The following RTEL1 variants were observed in gnomAD, a reference collection of about 807,000 sequenced individuals.
The protein encoded by RTEL1 is regulator of telomere elongation helicase 1, also known as regulator of telomere length.
Under a neutral mutation model 162.2 loss-of-function variants are expected in RTEL1, and 86 were observed. That is an observed-to-expected ratio of 0.53 (90% confidence interval 0.45 to 0.63). The LOEUF (loss-of-function observed/expected upper bound fraction) is 0.63. Among genes scored for constraint, RTEL1 ranks in the 30% least tolerant of loss-of-function variants. The pLI is 0.00. For missense variants in RTEL1, 1,941 were observed against 1,750.2 expected (o/e 1.11, Z -1.95); for synonymous variants, 958 against 717.9 (o/e 1.33, Z -5.35).
intron 30 of RTEL1, among the ~76,000 whole-genome samples, 191 bp downstream of exon 30, chr20:63,693,474 TCCACCTCCA>T (rs1568720101): frequency 0.029 from 246 of 8,536 alleles, 32 homozygotes; most frequent in South Asian, 0.06. Flanking sequence ...CACCTCCACC[TCCACCTCCA>T]CCACCACCTC....
chr20:63,666,092 A>G lies in RTEL1; in HGVS notation c.614+13A>G, dbSNP rs761636021. 4 of 1,611,460 alleles carry G rather than the reference A, an allele frequency of 2.5e-6. No individual in the cohort carries two copies. The highest frequency in any genetic ancestry group is 3.4e-6 in the Non-Finnish European group (4 of 1,177,680). ...GAAGCAAGCACAGGTGAGACCCCTC[A>G]GTGAGGCCACGACCACTGTCCTTCC... is the stretch of plus-strand genomic sequence containing the variant. On this transcript the variant is annotated intron_variant, in intron 7 of 34. Transcript: ENST00000360203.
Position 63,685,446 on chromosome 20 carries a change from C to T in RTEL1, c.1192-77C>T, listed in dbSNP as rs577886989. On this transcript the variant is annotated intron_variant, in intron 14 of 34. Coordinates refer to ENST00000360203, the MANE Select transcript of RTEL1 (RefSeq NM_001283009.2). ...TGACCCCTGGGTGTCCTGTGACCTT[C>T]TGTGTATGCGGCTGATGCTGCAGAA... 8.3e-6 allele frequency: 12 copies of T among 1,453,596 alleles called. No individual in the cohort carries two copies. The East Asian group carries it at 2.3e-4, about 28-fold the overall frequency. 90.0% of individuals were successfully genotyped at this position (1,453,596 alleles called of 1,614,324 possible).
chr20:63,691,149 C>G (rs1050837837), intron 27 of RTEL1, among the ~76,000 whole-genome samples: 1 of 152,096 alleles, frequency 6.6e-6, no homozygotes, highest in Non-Finnish European at 1.5e-5. Context: ...GCTGCTGGCT[C>G]CCAGGTGGTG....
rs781051899 is a variant in RTEL1 at position 63,662,882 on chromosome 20, C to T, written c.531C>T (p.Asn177=). The T allele has an allele frequency of 6.1e-5, 99 of 1,613,742 alleles. No homozygotes were observed. The highest frequency in any genetic ancestry group is 8.1e-5 in the Non-Finnish European group (95 of 1,179,880). ...GTCGCTCCTGTCATTTCTACAACAA[C>T]GTAGAAGGTACAAGCAGCTGGGTGG... is the stretch of plus-strand genomic sequence containing the variant. ...VASRSCHFYN[N]VEEKSLEQEL... Residue 177 remains asparagine (N), a synonymous_variant, in exon 6 of 35, where the codon AAC becomes AAT. Transcript: ENST00000360203.
At chr20:63,685,628 G>A (rs1363849855) in intron 15 of RTEL1, 31 bp downstream of exon 15, 2 of 1,600,820 alleles carry the variant, frequency 1.2e-6, no homozygotes, top group East Asian at 4.5e-5. Flanking sequence ...GCAGGTGGAG[G>A]GCAGCCCTTG....
Position 63,691,850 on chromosome 20 carries a change from TC to T in RTEL1, c.2652+16del. 1 of 1,602,056 alleles carries T rather than the reference TC, an allele frequency of 6.2e-7. No individual in the cohort carries two copies. The highest frequency in any genetic ancestry group is 8.5e-7 in the Non-Finnish European group (1 of 1,174,650). On this transcript the variant is annotated intron_variant, in intron 28 of 34. Transcript: ENST00000360203. The stretch of plus-strand genomic sequence containing the variant: ...GGTCAGCCACCCGGTGCGTGAGCTG[TC>T]CCTGCACCTGTGCCGACCACCATAG...
rs770759263 is a variant in RTEL1, at chr20:63,680,676, TCAC to T, written c.1151_1153del (p.Thr384del). The T allele has an allele frequency of 3.1e-6, 5 of 1,613,252 alleles. No individual in the cohort carries two copies. The South Asian group carries it at 5.5e-5, about 18-fold the overall frequency. On this transcript the variant is annotated inframe_deletion, in exon 14 of 35. Transcript: ENST00000360203. ...TGCTGCCCTCCAGGTGCTGGAGTGT[TCAC>T]CAACACGGCCGGACTGCAGAAGCTG...
intron 17 of RTEL1, 22 bp from the exon 18 acceptor site, chr20:63,687,915 T>G (rs1388045006): frequency 6.2e-6 from 10 of 1,610,538 alleles, no homozygotes; most frequent in Non-Finnish European, 8.5e-6. Flanking sequence ...CCCCACTGTC[T>G]GCTCCCTCTG....
In RTEL1 at chr20:63,679,831, C is replaced by T. The variant is rs1555903293; in HGVS notation, c.1038-18C>T. 22 of 1,603,232 alleles carry T rather than the reference C, an allele frequency of 1.4e-5. No individual in the cohort carries two copies. In the South Asian group the frequency reaches 2.1e-4, roughly 15 times the overall value. ...GGTCCCCCCGCCAGGCTCGAGCCTG[C>T]CTTCTTCTCCTCGGCAGCTACATCT... is the stretch of plus-strand genomic sequence containing the variant. On this transcript the variant is annotated intron_variant, in intron 12 of 34. Transcript: ENST00000360203.
chr20:63,694,502 G>C lies in RTEL1; in HGVS notation c.3109+14G>C, dbSNP rs753155882. On this transcript the variant is annotated intron_variant, in intron 31 of 34. Coordinates refer to ENST00000360203, the MANE Select transcript of RTEL1 (RefSeq NM_001283009.2). The stretch of plus-strand genomic sequence containing the variant: ...CACCCCCAACAGGTAGCTGACTCCT[G>C]AACCGTGTGCAGCCTACGACTTGGT... 2 of 1,574,228 alleles carry C rather than the reference G, an allele frequency of 1.3e-6. No homozygotes were observed. Among genetic ancestry groups the C allele is most frequent in the Non-Finnish European group, 1.7e-6 (2 of 1,148,662 alleles).
At chr20:63,694,695 G>A in intron 31 of RTEL1, 46 bp from the exon 32 acceptor site, 1 of 1,493,396 alleles carries the variant, frequency 6.7e-7, no homozygotes, top group Non-Finnish European at 9.1e-7. Flanking sequence ...GGGACTCTCA[G>A]TCCTCCACCC....
chr20:63,690,503 G>GGGGGGGGC, intron 26 of RTEL1, 62 bp downstream of exon 26: 17 of 1,028,386 alleles, frequency 1.7e-5, no homozygotes, highest in Non-Finnish European at 2.4e-5. Context: ...CGTGGGGCGG[G>GGGGGGGGC]CAGCACCAGG....
chr20:63,681,318 C>A, intron 14 of RTEL1: 1 of 985,376 alleles, frequency 1.0e-6, no homozygotes, highest in Non-Finnish European at 1.2e-6. Context: ...GGGCACGCCC[C>A]ATTTTGGGTG....
At position 63,695,531 on chromosome 20, in the gene RTEL1, G is replaced by T; in HGVS notation, c.3703G>T (p.Gly1235Cys). ...TGGGCAGCAGGCCACGGGAGCTCCG[G>T]GCGGGCCCCTCTCAGCAGGCTGTGT... is the stretch of plus-strand genomic sequence containing the variant. ...IAGQQATGAP[G>C]GPLSAGCVCQ... The change falls in exon 34 of 35, where the codon GGC becomes TGC. Residue 1235 changes from glycine (G) to cysteine (C), a missense_variant. Physicochemically the swap from Gly to Cys is radical, Grantham distance 159. Transcript: ENST00000360203. 1 of 1,612,320 alleles carries T rather than the reference G, an allele frequency of 6.2e-7. No individual in the cohort carries two copies. The highest frequency in any genetic ancestry group is 8.5e-7 in the Non-Finnish European group (1 of 1,179,838).
rs1168361620 is a variant in RTEL1 at position 63,678,275 on chromosome 20, G to C, written c.966G>C (p.Leu322=). Residue 322 remains leucine (L), a synonymous_variant, in exon 12 of 35, where the codon CTG becomes CTC. Transcript: ENST00000360203. ...LEDIAKLKMI[L]LRLEGAIDAV... ...CACCTCCTCGACCCACAGTGATCCT[G>C]CTGCGCCTGGAGGGGGCCATCGATG... The C allele has an allele frequency of 1.9e-6, 3 of 1,612,494 alleles. No homozygotes were observed. The highest frequency in any genetic ancestry group is 2.5e-6 in the Non-Finnish European group (3 of 1,179,072).
intron 8 of RTEL1, among the ~76,000 whole-genome samples, chr20:63,669,656 G>T (rs3848670): frequency 6.9e-6 from 1 of 144,740 alleles, no homozygotes; most frequent in South Asian, 2.2e-4. Flanking sequence ...CAAGATGGGT[G>T]GAATGGCCAG....
At position 63,678,188 on chromosome 20, in the gene RTEL1, G is replaced by GT; in HGVS notation, c.958+6dup. ...AAGACATTGCAAAGCTGAAGAGTAA[G>GT]TGTTGCCCTCCCCGCCTCCTTGCAG... On this transcript the variant is annotated splice_donor_region_variant and intron_variant, in intron 11 of 34. Transcript: ENST00000360203. 6.2e-7 allele frequency: 1 copy of GT among 1,614,150 alleles called. No individual in the cohort carries two copies.
chr20:63,693,068 C>A lies in RTEL1; in HGVS notation c.2851+65C>A, dbSNP rs900333310. On this transcript the variant is annotated intron_variant, in intron 29 of 34. Transcript: ENST00000360203. Reference sequence around the variant, plus strand: ...GCTGCCGCCGCGTGTGGGGTGGGGGCCATCTGGGTCCAAGGTGGTCTCTGT... The same window carrying A: ...GCTGCCGCCGCGTGTGGGGTGGGGGACATCTGGGTCCAAGGTGGTCTCTGT... 13 of 1,609,268 alleles carry A rather than the reference C, an allele frequency of 8.1e-6. No homozygotes were observed. The Admixed American group carries it at 1.2e-4, about 14-fold the overall frequency.
intron 17 of RTEL1, 70 bp downstream of exon 17, chr20:63,687,840 G>C: frequency 6.4e-7 from 1 of 1,558,412 alleles, no homozygotes; most frequent in Non-Finnish European, 8.7e-7. Context: ...GAAGTGGTGG[G>C]GGTCCCCATG....
Sources: gnomAD v4.1 joint callset for allele counts (sites outside exome capture counted in the v4.1 genomes callset) on GRCh38, gnomAD v4.1.1 for gene constraint, MANE v1.5 for transcripts, NCBI Gene and HGNC (gene_info 2026-07-23, HGNC 2026-07-21) for gene names.